ZNF385D: variants seen among roughly 807,000 people sequenced by gnomAD.
The protein encoded by ZNF385D is zinc finger protein 385D.
ZNF385D carries 15 observed loss-of-function variants against 35.8 expected under a neutral mutation model. The observed-to-expected ratio is 0.42, with a 90% CI of 0.28 to 0.64. The LOEUF is 0.64. Among genes scored for constraint, ZNF385D ranks in the 30% least tolerant of loss-of-function variants. The pLI is 0.23. For synonymous variants in ZNF385D, 212 were observed against 186.8 expected (o/e 1.13, Z -1.10); for missense variants, 474 against 494.6 (o/e 0.96, Z 0.39).
intron 4 of ZNF385D, among the ~76,000 whole-genome samples, chr3:21,498,216 C>T (rs1466737161): frequency 2.6e-5 from 4 of 152,054 alleles, no homozygotes; most frequent in Middle Eastern, 3.2e-3. Flanking sequence ...GAAAAATCAA[C>T]TCAAGATGGA....
At chr3:22,204,618 A>G (rs888587788) in intron 2 of ZNF385D, among the ~76,000 whole-genome samples, 1 of 152,050 alleles carries the variant, frequency 6.6e-6, no homozygotes, top group Non-Finnish European at 1.5e-5. Context: ...TCAAGAAAAT[A>G]CAGAGAAAGA....
chr3:21,877,351 A>C (rs1698033630), intron 3 of ZNF385D, among the ~76,000 whole-genome samples: 1 of 152,082 alleles, frequency 6.6e-6, no homozygotes, highest in African/African-American at 2.4e-5. Flanking sequence ...CCACTAAGGA[A>C]ATCAATTCAA....
At chr3:22,168,806 GA>G in intron 3 of ZNF385D, 2 of 985,348 alleles carry the variant, frequency 2.0e-6, no homozygotes, top group African/African-American at 1.7e-5. Context: ...AATATTTTTA[GA>G]AAAGCTTACC....
At chr3:22,143,654 T>C (rs966531674) in intron 3 of ZNF385D, among the ~76,000 whole-genome samples, 5 of 152,236 alleles carry the variant, frequency 3.3e-5, no homozygotes, top group African/African-American at 1.2e-4. Flanking sequence ...TATTAAACTT[T>C]CACACTGTTA....
intron 3 of ZNF385D, among the ~76,000 whole-genome samples, chr3:21,873,193 T>C (rs1399412284): frequency 3.3e-5 from 5 of 152,102 alleles, no homozygotes; most frequent in Non-Finnish European, 4.4e-5. Context: ...TATATGAACA[T>C]AGATATATAA....
At chr3:21,570,358 A>T (rs1296727422) in intron 2 of ZNF385D, among the ~76,000 whole-genome samples, 1 of 152,198 alleles carries the variant, frequency 6.6e-6, no homozygotes, top group Non-Finnish European at 1.5e-5. Flanking sequence ...GACATGCTTC[A>T]AGTACAGCAG....
chr3:22,179,728 T>A (rs1341216321), intron 2 of ZNF385D, among the ~76,000 whole-genome samples: 1 of 152,082 alleles, frequency 6.6e-6, no homozygotes, highest in East Asian at 1.9e-4. Context: ...AAGAAGTTCT[T>A]TGAAACCAAT....
chr3:22,347,570 C>T (rs867491653), intron 2 of ZNF385D, among the ~76,000 whole-genome samples: 1 of 152,152 alleles, frequency 6.6e-6, no homozygotes, highest in African/African-American at 2.4e-5. Flanking sequence ...TGATGCTCAA[C>T]AAAATCAAAA....
chr3:21,594,173 A>G (rs1023828619), intron 2 of ZNF385D, among the ~76,000 whole-genome samples: 1 of 152,118 alleles, frequency 6.6e-6, no homozygotes, highest in Non-Finnish European at 1.5e-5. Context: ...ATCAATTAAA[A>G]CCATAGGGGT....
chr3:21,754,325 C>T (rs539456289), upstream of ZNF385D, among the ~76,000 whole-genome samples: 29 of 152,160 alleles, frequency 1.9e-4, no homozygotes, highest in Admixed American at 6.5e-5. Context: ...TGGTTCACAC[C>T]CTGACCTTTA....
chr3:21,854,285 C>T (rs942560042), intron 3 of ZNF385D, among the ~76,000 whole-genome samples: 1 of 152,028 alleles, frequency 6.6e-6, no homozygotes, highest in African/African-American at 2.4e-5. Context: ...GAAAAGAAAA[C>T]TTTCAATGCC....
At chr3:21,905,217 A>C (rs1219910252) in intron 3 of ZNF385D, among the ~76,000 whole-genome samples, 1 of 149,508 alleles carries the variant, frequency 6.7e-6, no homozygotes, top group Non-Finnish European at 1.5e-5. Context: ...AAAAAAAAAA[A>C]AAAAAAAAAA....
chr3:21,781,614 C>T (rs149076276), intron 3 of ZNF385D, among the ~76,000 whole-genome samples: 1 of 152,146 alleles, frequency 6.6e-6, no homozygotes, highest in East Asian at 1.9e-4. Flanking sequence ...AATAATACCT[C>T]ATATAAAATC....
rs148083552 is a variant in ZNF385D, at chr3:22,066,247, G to T, written c.325+102570C>A. ...AGAGACTGCTTATGAAACAAGTGTAGTTTGGAAAGACCAAAAAATGAAGGA... is the reference window on the plus strand; with the variant it reads ...AGAGACTGCTTATGAAACAAGTGTATTTTGGAAAGACCAAAAAATGAAGGA... On this transcript the variant is annotated intron_variant, in intron 3 of 5. Coordinates refer to the ZNF385D transcript ENST00000494108. 2.0e-3 allele frequency among the ~76,000 whole-genome samples: 299 copies of T among 152,146 alleles called. 1 individual carries two copies. Among genetic ancestry groups the T allele is most frequent in the African/African-American group, 6.6e-3 (274 of 41,478 alleles).
chr3:21,932,166 CAAAAAAAAAAAA>C (rs543138588), intron 3 of ZNF385D, among the ~76,000 whole-genome samples: 3 of 55,338 alleles, frequency 5.4e-5, no homozygotes, highest in East Asian at 1.1e-3. Context: ...GACTCATTCT[CAAAAAAAAAAAA>C]AAAAAAAAAA....
At chr3:21,957,936 T>G (rs1479965) in intron 3 of ZNF385D, among the ~76,000 whole-genome samples, 103,889 of 151,942 alleles carry the variant, frequency 0.68, 36,673 homozygotes, top group Non-Finnish European at 0.77. Flanking sequence ...ACTAATGTTG[T>G]CATTCAGAAA....
In ZNF385D at chr3:22,228,924, C is replaced by T. The variant is rs142459626; in HGVS notation, c.107-59889G>A. On this transcript the variant is annotated intron_variant, in intron 2 of 5. Coordinates refer to the ZNF385D transcript ENST00000494108. ...TCTTGGACCTATGCCAATTGTTTGCCCAGGAGCTCTTAGGCCTTCGGCCAC... is the reference window on the plus strand; with the variant it reads ...TCTTGGACCTATGCCAATTGTTTGCTCAGGAGCTCTTAGGCCTTCGGCCAC... Among the ~76,000 whole-genome samples, 3 of 152,322 alleles carry T rather than the reference C, an allele frequency of 2.0e-5. No homozygotes were observed. In the East Asian group the frequency reaches 5.8e-4, roughly 29 times the overall value.
rs1700509999 is a variant in ZNF385D at position 21,412,751 on chromosome 3, AAGAATTCC to A, written c.*8455_*8462del. 6.6e-6 allele frequency: 1 copy of A among 152,092 alleles called. No homozygotes were observed. Among genetic ancestry groups the A allele is most frequent in the Non-Finnish European group, 1.5e-5 (1 of 67,974 alleles). The allele number at this position is 152,092 out of a possible 1,614,324, so 9.4% of individuals were successfully genotyped here. A position where few individuals can be genotyped will look rare whatever the true frequency, so the allele number is the denominator to read the frequency against. Reference sequence around the variant, plus strand: ...TTACTAAAACTGAAAATTCATCTTAAAGAATTCCTAATAAAAATAAATATTAATTTGTT... The same window carrying A: ...TTACTAAAACTGAAAATTCATCTTAATAATAAAAATAAATATTAATTTGTT... On this transcript the variant is annotated 3_prime_UTR_variant, in exon 8 of 8. Coordinates refer to ENST00000281523, the MANE Select transcript of ZNF385D (RefSeq NM_024697.3).
intron 3 of ZNF385D, among the ~76,000 whole-genome samples, chr3:22,104,968 A>T (rs1702128791): frequency 6.6e-6 from 1 of 152,178 alleles, no homozygotes; most frequent in African/African-American, 2.4e-5. Context: ...CAACGTCTTT[A>T]CATTGACCCA....
Sources: allele counts gnomAD v4.1 joint callset (sites outside exome capture counted in the v4.1 genomes callset), GRCh38; gene constraint gnomAD v4.1.1; transcripts MANE v1.5; gene names NCBI Gene and HGNC (gene_info 2026-07-23, HGNC 2026-07-21).